IFT25: variants seen among roughly 807,000 people sequenced by gnomAD.
IFT25 encodes the protein intraflagellar transport protein 25 homolog.
the IFT25 span, chr1:53,930,176 T>A: frequency 3.3e-6 from 5 of 1,525,606 alleles, no homozygotes; most frequent in East Asian, 7.2e-5. Context: ...AAAATAAGAA[T>A]AGCCAAATAT....
At chr1:53,938,997 C>T in the IFT25 span, among the ~76,000 whole-genome samples, 2 of 143,668 alleles carry the variant, frequency 1.4e-5, no homozygotes, top group East Asian at 2.0e-4. Flanking sequence ...TCGCTTGAAC[C>T]TGGGAGGCAG....
chr1:53,932,482 G>T, the IFT25 span, among the ~76,000 whole-genome samples: 3 of 152,096 alleles, frequency 2.0e-5, no homozygotes, highest in South Asian at 6.2e-4. Context: ...ATTACACAGT[G>T]GTCAGAGAAC....
At chr1:53,924,890 C>T in the IFT25 span, among the ~76,000 whole-genome samples, 1 of 152,146 alleles carries the variant, frequency 6.6e-6, no homozygotes, top group Admixed American at 6.5e-5. Context: ...AAATTAACTT[C>T]ACATTAAATA....
chr1:53,934,814 C>T, the IFT25 span, among the ~76,000 whole-genome samples: 15 of 152,280 alleles, frequency 9.9e-5, no homozygotes, highest in Admixed American at 4.6e-4. Flanking sequence ...GCACAGCCAA[C>T]ATGGTAAAAC....
chr1:53,941,697 C>CA, the IFT25 span, among the ~76,000 whole-genome samples: 1 of 152,086 alleles, frequency 6.6e-6, no homozygotes, highest in Non-Finnish European at 1.5e-5. Flanking sequence ...TAATTCTCGA[C>CA]AAAATCCTAA....
At chr1:53,938,087 G>C in the IFT25 span, among the ~76,000 whole-genome samples, 1 of 152,148 alleles carries the variant, frequency 6.6e-6, no homozygotes, top group Non-Finnish European at 1.5e-5. Flanking sequence ...TTTATTTTGA[G>C]CAAGTCATCT....
At chr1:53,931,991 T>C in the IFT25 span, among the ~76,000 whole-genome samples, 1 of 152,238 alleles carries the variant, frequency 6.6e-6, no homozygotes, top group African/African-American at 2.4e-5. Context: ...TTACTTTCCC[T>C]TGAGACACTG....
the IFT25 span, chr1:53,946,107 T>G: frequency 6.8e-6 from 1 of 147,522 alleles, no homozygotes; most frequent in Admixed American, 6.7e-5. Flanking sequence ...GCGAAACCAC[T>G]CCTGTGCGCC....
the IFT25 span, among the ~76,000 whole-genome samples, chr1:53,911,934 C>T: frequency 6.6e-6 from 1 of 152,168 alleles, no homozygotes; most frequent in East Asian, 1.9e-4. Context: ...TATTGTCCCA[C>T]AACTGCTTCC....
the IFT25 span, among the ~76,000 whole-genome samples, chr1:53,934,479 T>G: frequency 6.6e-6 from 1 of 152,254 alleles, no homozygotes; most frequent in Non-Finnish European, 1.5e-5. Context: ...ATACAATGTC[T>G]GTATTTATCT....
chr1:53,919,139 C>CT, the IFT25 span, among the ~76,000 whole-genome samples: 10 of 151,848 alleles, frequency 6.6e-5, no homozygotes, highest in Non-Finnish European at 1.5e-4. Flanking sequence ...GTGCTTGGCC[C>CT]TTTTTTTCAG....
chr1:53,926,394 C>T, the IFT25 span, among the ~76,000 whole-genome samples: 7 of 152,172 alleles, frequency 4.6e-5, no homozygotes, highest in African/African-American at 1.2e-4. Context: ...TCAAACGATC[C>T]GCCCACCTCA....
the IFT25 span, among the ~76,000 whole-genome samples, chr1:53,911,762 C>T: frequency 6.6e-6 from 1 of 152,144 alleles, no homozygotes; most frequent in Non-Finnish European, 1.5e-5. Context: ...AGCTCTGTTC[C>T]TGCCAGCTGG....
chr1:53,928,857 TTA>T, the IFT25 span: 1 of 159,546 alleles, frequency 6.3e-6, no homozygotes, highest in African/African-American at 2.4e-5. Context: ...GAAAACAGGT[TTA>T]GAGGAGCCAA....
chr1:53,921,692 C>T, the IFT25 span: 62 of 1,612,892 alleles, frequency 3.8e-5, no homozygotes, highest in Admixed American at 1.5e-4. Context: ...TCTGCAGAAA[C>T]GCTATGCACA....
chr1:53,923,859 C>T, the IFT25 span: 8 of 1,138,546 alleles, frequency 7.0e-6, no homozygotes, highest in Non-Finnish European at 9.3e-6. Context: ...AGTCTAAATA[C>T]ATTGTGCAGG....
the IFT25 span, among the ~76,000 whole-genome samples, chr1:53,933,380 C>T: frequency 5.3e-5 from 8 of 151,428 alleles, no homozygotes; most frequent in Non-Finnish European, 8.9e-5. Context: ...GTGATCCGCC[C>T]GCCTCGGCCT....
the IFT25 span, chr1:53,928,820 A>G: frequency 5.9e-6 from 1 of 169,638 alleles, no homozygotes; most frequent in East Asian, 1.7e-4. Context: ...CTTATGAGAA[A>G]GGTACTTTAA....
chr1:53,920,166 T>C, the IFT25 span, among the ~76,000 whole-genome samples: 495 of 152,276 alleles, frequency 3.3e-3, 1 homozygote, highest in African/African-American at 0.011. Flanking sequence ...GCAAAGCACT[T>C]TCTCTCATCT....
Sources: allele counts gnomAD v4.1 joint callset (sites outside exome capture counted in the v4.1 genomes callset), GRCh38; gene constraint gnomAD v4.1.1; transcripts MANE v1.5; gene names NCBI Gene and HGNC (gene_info 2026-07-23, HGNC 2026-07-21).